Variants in LDHC observed in about 807,000 individuals in gnomAD.
LDHC encodes the protein lactate dehydrogenase C.
A neutral mutation model predicts 30.2 loss-of-function variants in LDHC; 20 were observed. That is an observed-to-expected ratio of 0.66 (90% CI 0.47 to 0.96). The LOEUF (loss-of-function observed/expected upper bound fraction) is 0.96, where lower values mean the gene tolerates loss of function less well. Among genes scored for constraint, LDHC ranks in the 40% least tolerant of loss-of-function variants. The probability of loss-of-function intolerance (pLI) is 0.00; values close to 1 mark genes in which losing one functional copy is unlikely to be tolerated. For missense variants in LDHC, 362 were observed against 394.9 expected (o/e 0.92, Z 0.71); for synonymous variants, 139 against 132.7 (o/e 1.05, Z -0.32).
intron 3 of LDHC, among the ~76,000 whole-genome samples, 187 bp downstream of exon 3, chr11:18,415,488 G>A (rs1282547294): frequency 6.6e-6 from 1 of 152,100 alleles, no homozygotes; most frequent in African/African-American, 2.4e-5. Flanking sequence ...TTAGAGTGCA[G>A]TGGCGCGATC....
chr11:18,439,620 GAAT>G (rs895202051), intron 6 of LDHC, among the ~76,000 whole-genome samples: 1 of 148,474 alleles, frequency 6.7e-6, no homozygotes, highest in Non-Finnish European at 1.5e-5. Flanking sequence ...TCACAGCTTG[GAAT>G]ATTGAACTTA....
chr11:18,441,764 T>C (rs1848470447), intron 6 of LDHC, among the ~76,000 whole-genome samples: 1 of 151,826 alleles, frequency 6.6e-6, no homozygotes, highest in Non-Finnish European at 1.5e-5. Context: ...ATACAAAAAT[T>C]AGCTGGGCTT....
intron 6 of LDHC, among the ~76,000 whole-genome samples, chr11:18,442,665 T>G (rs1345910251): frequency 6.8e-6 from 1 of 147,874 alleles, no homozygotes; most frequent in African/African-American, 2.5e-5. Context: ...TCTCTCTTTT[T>G]TTTTTTTTTT....
rs185898467 is a variant in LDHC, at chr11:18,428,086, A to G, written c.245-1651A>G. ...AGTTATCTTCTCTTTTGGATTAGAA[A>G]GATACAAGAATCACCATAAATGAAG... On this transcript the variant is annotated intron_variant, in intron 3 of 7. Transcript: ENST00000541669. 1.3e-3 allele frequency among the ~76,000 whole-genome samples: 193 copies of G among 152,196 alleles called. 1 individual carries two copies. Among genetic ancestry groups the G allele is most frequent in the African/African-American group, 4.5e-3 (185 of 41,548 alleles).
intron 3 of LDHC, among the ~76,000 whole-genome samples, chr11:18,421,669 A>G (rs1270125772): frequency 5.9e-5 from 9 of 151,714 alleles, no homozygotes; most frequent in Admixed American, 2.0e-4. Flanking sequence ...GCAAAACTCC[A>G]TCTCAAAACA....
chr11:18,415,247 G>C lies in LDHC; in HGVS notation c.190G>C (p.Asp64His). The C allele has an allele frequency of 1.2e-6, 2 of 1,610,484 alleles. No homozygotes were observed. Among genetic ancestry groups the C allele is most frequent in the East Asian group, 2.2e-5 (1 of 44,788 alleles). ...GGACAAACTGAAGGGAGAAATGATG[G>C]ATCTTCAGCATGGCAGTCTTTTCTT... ...ALDKLKGEMM[D>H]LQHGSLFFST... Residue 64 changes from aspartate to histidine, a missense_variant, in exon 3 of 8, where the codon GAT becomes CAT. Transcript: ENST00000541669.
At chr11:18,449,683 G>T (rs1263278900) in intron 7 of LDHC, among the ~76,000 whole-genome samples, 12 of 152,096 alleles carry the variant, frequency 7.9e-5, no homozygotes, top group African/African-American at 2.2e-4. Context: ...CCAAAATGAG[G>T]GAGCTGGACT....
intron 6 of LDHC, among the ~76,000 whole-genome samples, chr11:18,443,612 A>T (rs904842221): frequency 6.6e-6 from 1 of 151,934 alleles, no homozygotes; most frequent in Non-Finnish European, 1.5e-5. Context: ...GGTGCATGCC[A>T]CCATGCCTGG....
In LDHC at chr11:18,438,510, G is replaced by A. The variant is rs1247883842; in HGVS notation, c.593-18G>A. On this transcript the variant is annotated intron_variant, in intron 5 of 7. Transcript: ENST00000541669. ...CATATTGGGAAGAAGAGTTTATTTTGAGATCTGTATTTTTTAGTGCCCTTA... is the reference window on the plus strand; with the variant it reads ...CATATTGGGAAGAAGAGTTTATTTTAAGATCTGTATTTTTTAGTGCCCTTA... 1.3e-6 allele frequency: 2 copies of A among 1,488,760 alleles called. No individual in the cohort carries two copies. The highest frequency in any genetic ancestry group is 2.3e-5 in the South Asian group (2 of 87,410). The allele number at this position is 1,488,760 out of a possible 1,614,324, so 92.2% of individuals were successfully genotyped here. A position where few individuals can be genotyped will look rare whatever the true frequency, so the allele number is the denominator to read the frequency against.
chr11:18,422,385 G>A (rs1283624673), intron 3 of LDHC, among the ~76,000 whole-genome samples: 1 of 151,562 alleles, frequency 6.6e-6, no homozygotes, highest in African/African-American at 2.4e-5. Context: ...TGAGACCCCT[G>A]TCTCTACTAA....
intron 3 of LDHC, among the ~76,000 whole-genome samples, chr11:18,416,906 C>CT (rs1867032744): frequency 6.6e-6 from 1 of 151,440 alleles, no homozygotes; most frequent in Admixed American, 6.6e-5. Flanking sequence ...ATTTTTGAGA[C>CT]AGAGTCTTGA....
rs1047671974 is a variant in LDHC, at chr11:18,451,339, A to G, written c.*212A>G. Reference sequence around the variant, plus strand: ...TATAGCTCTATTCTAATGATACCCAATCTGTACAGGTGTAAGTTATACTTC... The same window carrying G: ...TATAGCTCTATTCTAATGATACCCAGTCTGTACAGGTGTAAGTTATACTTC... On this transcript the variant is annotated 3_prime_UTR_variant, in exon 8 of 8. Transcript: ENST00000541669. 5.4e-6 allele frequency: 2 copies of G among 372,298 alleles called. No homozygotes were observed. Among genetic ancestry groups the G allele is most frequent in the Non-Finnish European group, 9.5e-6 (2 of 211,456 alleles). The allele number at this position is 372,298 out of a possible 1,614,324, so 23.1% of individuals were successfully genotyped here.
At chr11:18,449,883 C>T (rs1226256198) in intron 7 of LDHC, among the ~76,000 whole-genome samples, 1 of 152,110 alleles carries the variant, frequency 6.6e-6, no homozygotes, top group African/African-American at 2.4e-5. Flanking sequence ...AAGGAGCCTC[C>T]CCTCTTCCTT....
chr11:18,423,845 TA>T (rs892533542), intron 3 of LDHC, among the ~76,000 whole-genome samples: 20 of 151,768 alleles, frequency 1.3e-4, no homozygotes, highest in Non-Finnish European at 2.2e-4. Flanking sequence ...ATATAATACC[TA>T]AAAAAAATGC....
At chr11:18,424,088 TAAAA>T (rs1848115105) in intron 3 of LDHC, among the ~76,000 whole-genome samples, 1 of 151,476 alleles carries the variant, frequency 6.6e-6, no homozygotes, top group South Asian at 2.1e-4. Flanking sequence ...TAAAACCAGT[TAAAA>T]AAACAAGTTT....
chr11:18,422,553 CA>C lies in LDHC; in HGVS notation c.245-7169del, dbSNP rs113941173. On this transcript the variant is annotated intron_variant, in intron 3 of 7. Coordinates refer to ENST00000541669, the MANE Select transcript of LDHC (RefSeq NM_017448.5). ...TGGGCAACAGAGCAAGACTCCATCT[CA>C]AAAAAAAAAAAAAATCCATTGTATT... 4.0e-3 allele frequency among the ~76,000 whole-genome samples: 466 copies of C among 115,134 alleles called. 1 individual carries two copies. Among genetic ancestry groups the C allele is most frequent in the East Asian group, 5.8e-3 (22 of 3,774 alleles). 75.5% of individuals were successfully genotyped at this position (115,134 alleles called of 152,430 possible).
intron 4 of LDHC, among the ~76,000 whole-genome samples, chr11:18,431,152 CAG>C: frequency 2.7e-5 from 4 of 150,104 alleles, no homozygotes; most frequent in Admixed American, 2.7e-4. Context: ...AAAAAAAAAA[CAG>C]TTTTAAATTT....
chr11:18,451,162 C>T lies in LDHC; in HGVS notation c.*35C>T, dbSNP rs770032552. 9.6e-6 allele frequency: 12 copies of T among 1,251,748 alleles called. No homozygotes were observed. In the East Asian group the frequency reaches 2.8e-4, roughly 29 times the overall value. The allele number at this position is 1,251,748 out of a possible 1,614,324, so 77.5% of individuals were successfully genotyped here. A position where few individuals can be genotyped will look rare whatever the true frequency, so the allele number is the denominator to read the frequency against. On this transcript the variant is annotated 3_prime_UTR_variant, in exon 8 of 8. Transcript: ENST00000541669. The stretch of plus-strand genomic sequence containing the variant: ...TTCTAATGTTCCACTGTTTGGAGAA[C>T]AGAAGATAGCAGGCTGTGTATTTTA...
chr11:18,429,691 G>A (rs761512467), intron 3 of LDHC, 46 bp from the exon 4 acceptor site: 1 of 1,170,380 alleles, frequency 8.5e-7, no homozygotes, highest in South Asian at 1.4e-5. Flanking sequence ...AGGCACAGTG[G>A]TTATGGTAAT....
Sources: gnomAD v4.1 joint callset for allele counts (sites outside exome capture counted in the v4.1 genomes callset) on GRCh38, gnomAD v4.1.1 for gene constraint, MANE v1.5 for transcripts, NCBI Gene and HGNC (gene_info 2026-07-23, HGNC 2026-07-21) for gene names.